LSAMP: variants seen among roughly 807,000 people sequenced by gnomAD.
LSAMP encodes limbic system associated membrane protein, also known as limbic system-associated membrane protein.
In LSAMP, 7 loss-of-function variants were observed where a neutral mutation model predicts 38.6. That is an observed-to-expected ratio of 0.18 (90% confidence interval 0.10 to 0.34). LSAMP has a LOEUF of 0.34. LSAMP is among the 10% of genes least tolerant of loss of function. LSAMP has a pLI of 1.00. For missense variants in LSAMP, 313 were observed against 420.0 expected (o/e 0.75, Z 2.23); for synonymous variants, 154 against 166.8 (o/e 0.92, Z 0.59).
intron 1 of LSAMP, among the ~76,000 whole-genome samples, chr3:116,220,929 C>G (rs773492379): frequency 3.9e-5 from 6 of 151,968 alleles, no homozygotes; most frequent in Non-Finnish European, 8.8e-5. Flanking sequence ...CCGGGGCAGG[C>G]GGATCACGAG....
chr3:116,309,571 C>G (rs1468128278), intron 1 of LSAMP, among the ~76,000 whole-genome samples: 3 of 152,086 alleles, frequency 2.0e-5, no homozygotes, highest in Non-Finnish European at 4.4e-5. Context: ...GACCACTCCC[C>G]AGCTTTCACA....
Position 116,445,067 on chromosome 3 carries a change from C to T in LSAMP, c.-36G>A. On this transcript the variant is annotated 5_prime_UTR_variant, in exon 1 of 7. Coordinates refer to ENST00000490035, the MANE Select transcript of LSAMP (RefSeq NM_002338.5). ...CCGAGGTGCGGGTCCGCGGGGTGCT[C>T]TGGAGGGGTGCGCGCTGCTCGCGAG... 1 of 1,590,000 alleles carries T rather than the reference C, an allele frequency of 6.3e-7. No individual in the cohort carries two copies. The highest frequency in any genetic ancestry group is 8.6e-7 in the Non-Finnish European group (1 of 1,166,462).
intron 6 of LSAMP, among the ~76,000 whole-genome samples, chr3:115,836,136 T>G (rs898615221): frequency 9.2e-5 from 14 of 152,198 alleles, no homozygotes; most frequent in African/African-American, 3.4e-4. Flanking sequence ...CCATTTATAT[T>G]GCTAAACCAT....
At chr3:116,436,752 A>G (rs2049355270) in intron 1 of LSAMP, among the ~76,000 whole-genome samples, 1 of 152,144 alleles carries the variant, frequency 6.6e-6, no homozygotes, top group African/African-American at 2.4e-5. Flanking sequence ...TAGTACAGCC[A>G]CTATGGAAAA....
At chr3:116,077,453 T>A (rs1707770064) in intron 2 of LSAMP, among the ~76,000 whole-genome samples, 1 of 152,138 alleles carries the variant, frequency 6.6e-6, no homozygotes, top group Non-Finnish European at 1.5e-5. Flanking sequence ...GACTTTGTAA[T>A]GAAGTATATT....
rs1376386018 is a variant in LSAMP at position 115,854,281 on chromosome 3, TA to T, written c.515-1665del. 3.0e-3 allele frequency among the ~76,000 whole-genome samples: 304 copies of T among 101,484 alleles called. 6 individuals carry two copies. Among genetic ancestry groups the T allele is most frequent in the East Asian group, 7.6e-3 (31 of 4,056 alleles). The allele number at this position is 101,484 out of a possible 152,430, so 66.6% of individuals were successfully genotyped here. On this transcript the variant is annotated intron_variant, in intron 3 of 6. Coordinates refer to ENST00000490035, the MANE Select transcript of LSAMP (RefSeq NM_002338.5). ...TTATTATTATTATTATTATTATTAT[TA>T]TTTTTTTTTTTTTTTTTTGAGATGG...
chr3:116,027,113 CA>C (rs777400609), intron 2 of LSAMP, among the ~76,000 whole-genome samples: 1 of 152,106 alleles, frequency 6.6e-6, no homozygotes, highest in Non-Finnish European at 1.5e-5. Flanking sequence ...TTGTTTATCC[CA>C]AATCCAAATT....
intron 1 of LSAMP, among the ~76,000 whole-genome samples, chr3:116,089,210 A>G: frequency 6.6e-6 from 1 of 152,236 alleles, no homozygotes; most frequent in Admixed American, 6.5e-5. Context: ...AGTGCATCTA[A>G]TGAAACAATG....
intron 3 of LSAMP, among the ~76,000 whole-genome samples, chr3:115,904,208 T>C (rs985575018): frequency 1.3e-5 from 2 of 152,140 alleles, no homozygotes; most frequent in Non-Finnish European, 2.9e-5. Flanking sequence ...TTTAAAAAGA[T>C]AAAGAGCTAT....
chr3:116,209,690 C>T (rs2046127070), intron 1 of LSAMP, among the ~76,000 whole-genome samples: 1 of 152,070 alleles, frequency 6.6e-6, no homozygotes, highest in African/African-American at 2.4e-5. Flanking sequence ...GCTGGTATTT[C>T]ATCTTTAGTC....
chr3:115,918,384 A>C (rs548535208), intron 3 of LSAMP, among the ~76,000 whole-genome samples: 1 of 152,356 alleles, frequency 6.6e-6, no homozygotes, highest in East Asian at 1.9e-4. Context: ...ATGTTCTTTC[A>C]GTAAAACAAA....
intron 1 of LSAMP, among the ~76,000 whole-genome samples, chr3:116,155,303 C>A (rs1347039710): frequency 6.6e-6 from 1 of 152,088 alleles, no homozygotes; most frequent in Non-Finnish European, 1.5e-5. Flanking sequence ...CGGCTCACTG[C>A]AACCTCCACC....
intron 1 of LSAMP, among the ~76,000 whole-genome samples, chr3:116,191,512 TAAG>T (rs767814680): frequency 3.9e-5 from 6 of 152,032 alleles, no homozygotes; most frequent in African/African-American, 1.4e-4. Context: ...CCAGGAAGGT[TAAG>T]AACCTTTCAG....
At position 116,203,057 on chromosome 3, in the gene LSAMP, A is replaced by T. The variant is rs149204873; in HGVS notation, c.156-116501T>A. Among the ~76,000 whole-genome samples the T allele has an allele frequency of 8.0e-4, 122 of 152,324 alleles. 1 individual carries two copies. Among genetic ancestry groups the T allele is most frequent in the Middle Eastern group, 3.4e-3 (1 of 294 alleles). Reference sequence around the variant, plus strand: ...GTGTTTAAATCCTCTAGTTTTAGAGAATCATATTTTCTACAAATAATAAGA... The same window carrying T: ...GTGTTTAAATCCTCTAGTTTTAGAGTATCATATTTTCTACAAATAATAAGA... On this transcript the variant is annotated intron_variant, in intron 1 of 6. Transcript: ENST00000490035.
intron 1 of LSAMP, among the ~76,000 whole-genome samples, chr3:116,087,547 T>C (rs1280573582): frequency 6.6e-6 from 1 of 152,166 alleles, no homozygotes; most frequent in Admixed American, 6.5e-5. Flanking sequence ...TAGGGAGATG[T>C]CCCAAACCCT....
Position 116,206,879 on chromosome 3 carries a change from T to C in LSAMP, c.156-120323A>G, listed in dbSNP as rs551226616. On this transcript the variant is annotated intron_variant, in intron 1 of 6. Coordinates refer to ENST00000490035, the MANE Select transcript of LSAMP (RefSeq NM_002338.5). ...GTGGTGCTGAAAAAAATGTATATTC[T>C]GTTGATTTGGGGTGGAGAGTTCTGT... Among the ~76,000 whole-genome samples the C allele has an allele frequency of 8.1e-3, 1,231 of 151,068 alleles. 6 individuals carry two copies. Among genetic ancestry groups the C allele is most frequent in the Admixed American group, 0.014 (211 of 15,144 alleles).
chr3:116,251,050 C>T (rs1162123603), intron 1 of LSAMP, among the ~76,000 whole-genome samples: 3 of 152,178 alleles, frequency 2.0e-5, no homozygotes, highest in Admixed American at 2.0e-4. Flanking sequence ...ATGTGCCCAC[C>T]TTGTTGTCAT....
intron 2 of LSAMP, among the ~76,000 whole-genome samples, chr3:116,084,629 G>T (rs371030212): frequency 6.6e-6 from 1 of 152,118 alleles, no homozygotes; most frequent in Admixed American, 6.5e-5. Flanking sequence ...GGGATATAGT[G>T]CTCAGATTGT....
At chr3:115,914,039 C>A (rs960023726) in intron 3 of LSAMP, among the ~76,000 whole-genome samples, 1 of 151,960 alleles carries the variant, frequency 6.6e-6, no homozygotes, top group South Asian at 2.1e-4. Context: ...AAACCAAAGA[C>A]CATTAAGACC....
Sources: allele counts gnomAD v4.1 joint callset (sites outside exome capture counted in the v4.1 genomes callset), GRCh38; gene constraint gnomAD v4.1.1; transcripts MANE v1.5; gene names NCBI Gene and HGNC (gene_info 2026-07-23, HGNC 2026-07-21).